YIPF4: variants seen among roughly 807,000 people sequenced by gnomAD.
The protein encoded by YIPF4 is protein YIPF4.
A neutral mutation model predicts 29.4 loss-of-function variants in YIPF4; 18 were observed. The ratio of observed to expected loss-of-function variants is 0.61; its 90% CI spans 0.42 to 0.91. The LOEUF is 0.91. Ranked by LOEUF, YIPF4 falls within the 40% of genes least tolerant of loss-of-function variation. The pLI is 0.00. For synonymous variants in YIPF4, 115 were observed against 104.7 expected (o/e 1.10, Z -0.60); for missense variants, 279 against 282.7 (o/e 0.99, Z 0.09).
intron 1 of YIPF4, among the ~76,000 whole-genome samples, chr2:32,282,271 A>G (rs1425438903): frequency 6.6e-6 from 1 of 152,118 alleles, no homozygotes; most frequent in Non-Finnish European, 1.5e-5. Flanking sequence ...TCTCAAAAAA[A>G]CAAAACCAAA....
chr2:32,289,362 T>C (rs1033126256), intron 1 of YIPF4, among the ~76,000 whole-genome samples: 3 of 152,204 alleles, frequency 2.0e-5, no homozygotes, highest in African/African-American at 4.8e-5. Context: ...ATGTGACTCA[T>C]AGAGTATTGT....
At chr2:32,282,459 G>C (rs2030464224) in intron 1 of YIPF4, among the ~76,000 whole-genome samples, 1 of 152,158 alleles carries the variant, frequency 6.6e-6, no homozygotes, top group South Asian at 2.1e-4. Flanking sequence ...TTGAGACGGA[G>C]TCTCGCCCTG....
At chr2:32,304,109 A>T (rs1038581670) in intron 5 of YIPF4, among the ~76,000 whole-genome samples, 1 of 152,182 alleles carries the variant, frequency 6.6e-6, no homozygotes, top group African/African-American at 2.4e-5. Context: ...ACTTCAGATT[A>T]TTCTTTGCCA....
At chr2:32,294,241 C>T (rs1354543448) in intron 3 of YIPF4, among the ~76,000 whole-genome samples, 3 of 151,900 alleles carry the variant, frequency 2.0e-5, no homozygotes, top group African/African-American at 4.8e-5. Flanking sequence ...GGGGTGGCTG[C>T]TGGGCGGAGG....
Position 32,300,571 on chromosome 2 carries a change from C to CT in YIPF4, c.484-806dup, listed in dbSNP as rs552223311. 4.6e-5 allele frequency among the ~76,000 whole-genome samples: 7 copies of CT among 151,928 alleles called. No individual in the cohort carries two copies. In the East Asian group the frequency reaches 1.4e-3, roughly 29 times the overall value. On this transcript the variant is annotated intron_variant, in intron 4 of 5. Coordinates refer to ENST00000238831, the MANE Select transcript of YIPF4 (RefSeq NM_032312.4). ...AAATTTAGAGTAACATCTGTGAAAC[C>CT]TTTTTACTCTGCATATGGAAATTTA...
At chr2:32,300,160 G>T (rs1407542295) in intron 4 of YIPF4, among the ~76,000 whole-genome samples, 5 of 152,150 alleles carry the variant, frequency 3.3e-5, no homozygotes, top group Non-Finnish European at 7.3e-5. Context: ...CAGCTACTCG[G>T]GAAGCTGAGG....
chr2:32,286,860 T>C (rs1432776211), intron 1 of YIPF4, among the ~76,000 whole-genome samples: 1 of 152,212 alleles, frequency 6.6e-6, no homozygotes, highest in Non-Finnish European at 1.5e-5. Context: ...CAGAGTAACG[T>C]GATCAAGCTC....
At chr2:32,291,872 T>G (rs1352282602) in intron 2 of YIPF4, among the ~76,000 whole-genome samples, 3 of 152,208 alleles carry the variant, frequency 2.0e-5, no homozygotes, top group African/African-American at 4.8e-5. Context: ...ACTTAAAGTT[T>G]TCTTAAATTG....
At chr2:32,290,260 C>T (rs1380087684) in intron 1 of YIPF4, among the ~76,000 whole-genome samples, 1 of 152,022 alleles carries the variant, frequency 6.6e-6, no homozygotes, top group African/African-American at 2.4e-5. Flanking sequence ...GCTGTGAAAC[C>T]TTTTGTACGT....
rs1422457630 is a variant in YIPF4 at position 32,315,024 on chromosome 2, C to CA, written c.*9400dup. On this transcript the variant is annotated 3_prime_UTR_variant, in exon 6 of 6. Transcript: ENST00000238831. ...AGTTTATTTTTTCACGTAATAAATC[C>CA]AAGGTTACATAATCCATAACTGATA... 3.3e-5 allele frequency: 5 copies of CA among 152,070 alleles called. No individual in the cohort carries two copies. The highest frequency in any genetic ancestry group is 1.2e-4 in the African/African-American group (5 of 41,400). The allele number at this position is 152,070 out of a possible 1,614,324, so 9.4% of individuals were successfully genotyped here. A position where few individuals can be genotyped will look rare whatever the true frequency, so the allele number is the denominator to read the frequency against.
chr2:32,289,222 T>C (rs1313140925), intron 1 of YIPF4, among the ~76,000 whole-genome samples: 1 of 152,170 alleles, frequency 6.6e-6, no homozygotes. Flanking sequence ...GGAAAGAACT[T>C]TGAATAGGAA....
intron 1 of YIPF4, among the ~76,000 whole-genome samples, chr2:32,280,192 G>A (rs62134044): frequency 0.064 from 9,740 of 151,524 alleles, 453 homozygotes; most frequent in Admixed American, 0.15. Context: ...CAGTGGTGCA[G>A]TCTTGGCTCA....
In YIPF4 at chr2:32,307,883, A is replaced by C. The variant is rs914560624; in HGVS notation, c.*2257A>C. On this transcript the variant is annotated 3_prime_UTR_variant, in exon 6 of 6. Coordinates refer to ENST00000238831, the MANE Select transcript of YIPF4 (RefSeq NM_032312.4). The stretch of plus-strand genomic sequence containing the variant: ...GAGGTGGAGGTTGCAGTGAGCCAAG[A>C]TTGTGCCATTGCACTCCAGCCTGGG... The C allele has an allele frequency of 1.5e-5, 2 of 132,590 alleles. No homozygotes were observed. The highest frequency in any genetic ancestry group is 3.1e-5 in the Non-Finnish European group (2 of 63,918). 8.2% of individuals were successfully genotyped at this position (132,590 alleles called of 1,614,324 possible). A position where few individuals can be genotyped will look rare whatever the true frequency, so the allele number is the denominator to read the frequency against.
intron 2 of YIPF4, among the ~76,000 whole-genome samples, chr2:32,291,772 G>A (rs894883524): frequency 1.3e-5 from 2 of 152,108 alleles, no homozygotes; most frequent in African/African-American, 4.8e-5. Context: ...TTGAAAGAAA[G>A]AATTTCCCCA....
At chr2:32,280,677 C>T (rs982393815) in intron 1 of YIPF4, among the ~76,000 whole-genome samples, 2 of 152,086 alleles carry the variant, frequency 1.3e-5, no homozygotes, top group Admixed American at 6.6e-5. Flanking sequence ...CCACCGCGCC[C>T]GGCCTAATTT....
chr2:32,297,061 T>A (rs1490294655), intron 3 of YIPF4, among the ~76,000 whole-genome samples: 1 of 152,140 alleles, frequency 6.6e-6, no homozygotes, highest in East Asian at 1.9e-4. Context: ...TCCTTCTTAC[T>A]TCACACAGTG....
rs1277447868 is a variant in YIPF4 at position 32,306,154 on chromosome 2, T to G, written c.*528T>G. 2.5e-6 allele frequency: 2 copies of G among 803,864 alleles called. No individual in the cohort carries two copies. Among genetic ancestry groups the G allele is most frequent in the African/African-American group, 1.9e-5 (1 of 53,634 alleles). 49.8% of individuals were successfully genotyped at this position (803,864 alleles called of 1,614,324 possible). A position where few individuals can be genotyped will look rare whatever the true frequency, so the allele number is the denominator to read the frequency against. ...ATGCACAAACTTTTTAATTTGGCCA[T>G]TAATCTTTTTTATTTAAAAATTTAA... On this transcript the variant is annotated 3_prime_UTR_variant, in exon 6 of 6. Transcript: ENST00000238831.
chr2:32,297,568 G>C (rs2031244721), intron 3 of YIPF4, among the ~76,000 whole-genome samples: 1 of 152,044 alleles, frequency 6.6e-6, no homozygotes, highest in South Asian at 2.1e-4. Context: ...AGGAGTTCGA[G>C]ACCAGCCTGG....
At chr2:32,304,104 AG>A (rs1219519917) in intron 5 of YIPF4, among the ~76,000 whole-genome samples, 1 of 152,208 alleles carries the variant, frequency 6.6e-6, no homozygotes, top group East Asian at 1.9e-4. Flanking sequence ...TTTAAACTTC[AG>A]ATTATTCTTT....
Sources: gnomAD v4.1 joint callset for allele counts (sites outside exome capture counted in the v4.1 genomes callset) on GRCh38, gnomAD v4.1.1 for gene constraint, MANE v1.5 for transcripts, NCBI Gene and HGNC (gene_info 2026-07-23, HGNC 2026-07-21) for gene names.